SLC25A26: variants seen among roughly 807,000 people sequenced by gnomAD.
SLC25A26 encodes solute carrier family 25 member 26.
A neutral mutation model predicts 37.8 loss-of-function variants in SLC25A26; 36 were observed. The ratio of observed to expected loss-of-function variants is 0.95; its 90% confidence interval spans 0.73 to 1.26. SLC25A26 has a LOEUF of 1.26. SLC25A26 is among the 50% of genes most tolerant of loss of function. SLC25A26 has a pLI of 0.00. For missense variants in SLC25A26, 390 were observed against 331.1 expected (o/e 1.18, Z -1.38); for synonymous variants, 129 against 122.5 (o/e 1.05, Z -0.35).
chr3:66,212,297 A>G (rs899445594), intron 1 of SLC25A26, among the ~76,000 whole-genome samples: 1 of 150,568 alleles, frequency 6.6e-6, no homozygotes, highest in African/African-American at 2.5e-5. Context: ...TTTTTTTTTC[A>G]TAGAGACAAG....
chr3:66,188,390 G>C (rs1053567996), intron 1 of SLC25A26, among the ~76,000 whole-genome samples: 11 of 152,160 alleles, frequency 7.2e-5, no homozygotes, highest in Non-Finnish European at 1.0e-4. Context: ...GGTCATGGGG[G>C]TAAATCCCTC....
intron 1 of SLC25A26, among the ~76,000 whole-genome samples, chr3:66,171,519 T>C (rs1459433198): frequency 6.6e-6 from 1 of 152,182 alleles, no homozygotes; most frequent in Non-Finnish European, 1.5e-5. Flanking sequence ...GAGCAGAGTC[T>C]TGCTCTATCA....
At chr3:66,264,578 A>G (rs1400454030) in intron 5 of SLC25A26, among the ~76,000 whole-genome samples, 3 of 152,114 alleles carry the variant, frequency 2.0e-5, no homozygotes, top group African/African-American at 7.2e-5. Flanking sequence ...TGCGCATGTG[A>G]GGGATTTAGG....
chr3:66,373,447 G>C (rs1403134631), intron 9 of SLC25A26, among the ~76,000 whole-genome samples: 1 of 152,182 alleles, frequency 6.6e-6, no homozygotes, highest in Non-Finnish European at 1.5e-5. Context: ...GCTTGTGAGT[G>C]GCAGAAGCTG....
chr3:66,185,145 A>G (rs959924368), intron 1 of SLC25A26, among the ~76,000 whole-genome samples: 6 of 152,160 alleles, frequency 3.9e-5, no homozygotes, highest in South Asian at 2.1e-4. Context: ...CCTGGCAACC[A>G]CCATCATAGT....
At chr3:66,352,411 G>A (rs912207365) in intron 6 of SLC25A26, among the ~76,000 whole-genome samples, 2 of 147,756 alleles carry the variant, frequency 1.4e-5, no homozygotes, top group Non-Finnish European at 3.0e-5. Context: ...GCTGCCTAGC[G>A]CCTCCCCTCG....
intron 1 of SLC25A26, among the ~76,000 whole-genome samples, chr3:66,171,102 C>T (rs966149366): frequency 3.9e-5 from 6 of 152,102 alleles, no homozygotes; most frequent in African/African-American, 7.2e-5. Context: ...CGCGCCCGGC[C>T]GTGATTATTG....
At chr3:66,357,329 G>A (rs891390593) in intron 6 of SLC25A26, among the ~76,000 whole-genome samples, 7 of 152,154 alleles carry the variant, frequency 4.6e-5, no homozygotes, top group South Asian at 2.1e-4. Context: ...CGGGAAGATC[G>A]CTTGAGTGCA....
chr3:66,160,754 A>T (rs907344001), intron 1 of SLC25A26, among the ~76,000 whole-genome samples: 6 of 151,962 alleles, frequency 3.9e-5, no homozygotes, highest in African/African-American at 1.4e-4. Context: ...GGCCAACATG[A>T]TGAAACCCCG....
At chr3:66,318,178 CTGGGG>C (rs1463353853) in intron 5 of SLC25A26, among the ~76,000 whole-genome samples, 1 of 152,184 alleles carries the variant, frequency 6.6e-6, no homozygotes, top group Non-Finnish European at 1.5e-5. Flanking sequence ...TCCTGCCTCG[CTGGGG>C]TTCCCAGAGC....
intron 5 of SLC25A26, among the ~76,000 whole-genome samples, chr3:66,284,563 G>T (rs775394025): frequency 1.3e-5 from 2 of 152,120 alleles, no homozygotes; most frequent in Non-Finnish European, 2.9e-5. Context: ...AACAATTTGA[G>T]ATAAATGTTT....
In SLC25A26 at chr3:66,221,254, A is replaced by G. The variant is rs940039069; in HGVS notation, c.33+127A>G. 8.7e-6 allele frequency: 9 copies of G among 1,036,054 alleles called. No individual in the cohort carries two copies. The African/African-American group carries it at 1.0e-4, about 12-fold the overall frequency. 64.2% of individuals were successfully genotyped at this position (1,036,054 alleles called of 1,614,324 possible). Reference sequence around the variant, plus strand: ...GACTGTCCTCGGGTTACTGGCAGCCAGGTCTGAGAGGGAGCACGAGGCTCC... The same window carrying G: ...GACTGTCCTCGGGTTACTGGCAGCCGGGTCTGAGAGGGAGCACGAGGCTCC... On this transcript the variant is annotated intron_variant, in intron 1 of 9. Coordinates refer to ENST00000354883, the MANE Select transcript of SLC25A26 (RefSeq NM_001379210.1).
intron 1 of SLC25A26, among the ~76,000 whole-genome samples, chr3:66,135,912 T>C (rs888739967): frequency 1.3e-5 from 2 of 152,250 alleles, no homozygotes; most frequent in African/African-American, 2.4e-5. Context: ...AATACCTGTC[T>C]TTAGAGACCA....
chr3:66,317,105 C>T (rs1010536123), intron 5 of SLC25A26, among the ~76,000 whole-genome samples: 5 of 152,232 alleles, frequency 3.3e-5, no homozygotes, highest in African/African-American at 1.2e-4. Flanking sequence ...CTTCTTCTGT[C>T]AATTCACCCA....
In SLC25A26 at chr3:66,243,198, T is replaced by G; in HGVS notation, c.191-5T>G. Reference sequence around the variant, plus strand: ...TGTGAAAGACTGGCTTGTTTTAAATTTCAGCTGCTGCATTTTTTATCACCT... The same window carrying G: ...TGTGAAAGACTGGCTTGTTTTAAATGTCAGCTGCTGCATTTTTTATCACCT... On this transcript the variant is annotated splice_polypyrimidine_tract_variant and splice_region_variant and intron_variant, in intron 2 of 9. Transcript: ENST00000354883. 6.5e-7 allele frequency: 1 copy of G among 1,540,824 alleles called. No individual in the cohort carries two copies. The highest frequency in any genetic ancestry group is 8.9e-7 in the Non-Finnish European group (1 of 1,121,382).
chr3:66,374,370 T>A (rs184099935), intron 9 of SLC25A26, among the ~76,000 whole-genome samples: 1 of 152,334 alleles, frequency 6.6e-6, no homozygotes, highest in East Asian at 1.9e-4. Context: ...GATGTTACTG[T>A]AATTGTTTTG....
intron 5 of SLC25A26, among the ~76,000 whole-genome samples, chr3:66,301,062 A>G (rs2075062682): frequency 6.6e-6 from 1 of 152,228 alleles, no homozygotes; most frequent in Admixed American, 6.5e-5. Context: ...TAAAATGATG[A>G]TAGAACTCAT....
At chr3:66,314,400 T>G (rs907513558) in intron 5 of SLC25A26, among the ~76,000 whole-genome samples, 19 of 152,184 alleles carry the variant, frequency 1.2e-4, no homozygotes, top group Non-Finnish European at 2.8e-4. Flanking sequence ...TTGGATCTGT[T>G]TATGTGATGA....
At chr3:66,163,442 C>A (rs1248405748) in intron 1 of SLC25A26, among the ~76,000 whole-genome samples, 1 of 152,162 alleles carries the variant, frequency 6.6e-6, no homozygotes, top group East Asian at 1.9e-4. Context: ...TAACCTTTCT[C>A]CCAAAGGGCT....
Sources: allele counts gnomAD v4.1 joint callset (sites outside exome capture counted in the v4.1 genomes callset), GRCh38; gene constraint gnomAD v4.1.1; transcripts MANE v1.5; gene names NCBI Gene and HGNC (gene_info 2026-07-23, HGNC 2026-07-21).